The following FAM184B variants were observed in gnomAD, a reference collection of about 807,000 sequenced individuals.
The protein encoded by FAM184B is protein FAM184B.
Under a neutral mutation model 135.9 loss-of-function variants are expected in FAM184B, and 111 were observed. That is an observed-to-expected ratio of 0.82 (90% CI 0.70 to 0.96). The LOEUF is 0.96. FAM184B is among the 40% of genes least tolerant of loss of function. The pLI is 0.00. For missense variants in FAM184B, 1,375 were observed against 1,323.9 expected (o/e 1.04, Z -0.60); for synonymous variants, 552 against 524.8 (o/e 1.05, Z -0.71).
chr4:17,704,284 T>C (rs1717057843), intron 5 of FAM184B, among the ~76,000 whole-genome samples: 1 of 152,234 alleles, frequency 6.6e-6, no homozygotes, highest in South Asian at 2.1e-4. Flanking sequence ...GTTACTTACT[T>C]ATTCCAGCAA....
chr4:17,729,550 C>G (rs1248725340), intron 1 of FAM184B, among the ~76,000 whole-genome samples: 1 of 152,214 alleles, frequency 6.6e-6, no homozygotes, highest in Non-Finnish European at 1.5e-5. Flanking sequence ...TGAGACAAAA[C>G]TTCTAGAGGA....
At chr4:17,695,231 T>C (rs1716829290) in intron 5 of FAM184B, among the ~76,000 whole-genome samples, 1 of 151,858 alleles carries the variant, frequency 6.6e-6, no homozygotes, top group Non-Finnish European at 1.5e-5. Flanking sequence ...AGCACAATCA[T>C]GGCTCACTGC....
At chr4:17,692,561 C>T (rs1365773989) in intron 6 of FAM184B, among the ~76,000 whole-genome samples, 1 of 152,194 alleles carries the variant, frequency 6.6e-6, no homozygotes, top group Non-Finnish European at 1.5e-5. Context: ...TTTAGATTGA[C>T]CTCTTGGATA....
At chr4:17,687,159 G>T (rs1403405567) in intron 7 of FAM184B, among the ~76,000 whole-genome samples, 1 of 152,200 alleles carries the variant, frequency 6.6e-6, no homozygotes, top group African/African-American at 2.4e-5. Flanking sequence ...TGGGGGTCAT[G>T]GGAGAGAAAC....
Position 17,639,344 on chromosome 4 carries a change from G to C in FAM184B, c.2572C>G (p.Arg858Gly). Reference protein sequence around the residue: ...AQRAREVETLRQEHRKEMQAM... With the variant: ...AQRAREVETLGQEHRKEMQAM... ...TGCATCTCCTTCCGGTGTTCCTGGCGCAGTGTCTCCACCTCCCTGGCCCGC... is the reference window on the plus strand; with the variant it reads ...TGCATCTCCTTCCGGTGTTCCTGGCCCAGTGTCTCCACCTCCCTGGCCCGC... The change falls in exon 14 of 18, where the codon CGC becomes GGC. Residue 858 changes from arginine to glycine, a missense_variant. Physicochemically the swap from Arg to Gly is moderately radical, Grantham distance 125 (BLOSUM62 -2). Coordinates refer to ENST00000265018, the MANE Select transcript of FAM184B (RefSeq NM_015688.2). 6.4e-7 allele frequency: 1 copy of C among 1,551,742 alleles called. No individual in the cohort carries two copies. The highest frequency in any genetic ancestry group is 8.7e-7 in the Non-Finnish European group (1 of 1,147,014).
chr4:17,737,287 T>C (rs1717932487), intron 1 of FAM184B, among the ~76,000 whole-genome samples: 1 of 151,968 alleles, frequency 6.6e-6, no homozygotes, highest in South Asian at 2.1e-4. Context: ...GCTCAGAGAG[T>C]TTAAGAGATC....
intron 5 of FAM184B, among the ~76,000 whole-genome samples, chr4:17,696,619 C>T (rs1203757791): frequency 6.6e-6 from 1 of 152,098 alleles, no homozygotes; most frequent in Non-Finnish European, 1.5e-5. Context: ...TGAGACTAGC[C>T]TTGGCAACAC....
chr4:17,741,980 T>C (rs1229519145), intron 1 of FAM184B, among the ~76,000 whole-genome samples: 2 of 151,898 alleles, frequency 1.3e-5, no homozygotes, highest in African/African-American at 4.8e-5. Flanking sequence ...CAATAGAAGT[T>C]TCAGCCAACA....
chr4:17,636,322 C>T (rs1287904555), intron 15 of FAM184B, among the ~76,000 whole-genome samples: 2 of 152,130 alleles, frequency 1.3e-5, no homozygotes, highest in African/African-American at 4.8e-5. Context: ...AGGCTGGTCC[C>T]GAACTCCTGA....
Position 17,693,484 on chromosome 4 carries a change from TTATTCCC to T in FAM184B, c.1378-79_1378-73del, listed in dbSNP as rs764385988. 1,006 of 1,184,054 alleles carry T rather than the reference TTATTCCC, an allele frequency of 8.5e-4. 1 individual carries two copies. The highest frequency in any genetic ancestry group is 1.2e-3 in the Non-Finnish European group (969 of 819,772). 73.3% of individuals were successfully genotyped at this position (1,184,054 alleles called of 1,614,324 possible). ...ACACTTAATGTTTTCACACCCTGCC[TTATTCCC>T]AGAGATCAAAGAAGCTTATGAGTGT... is the stretch of plus-strand genomic sequence containing the variant. On this transcript the variant is annotated intron_variant, in intron 5 of 17. Transcript: ENST00000265018.
intron 1 of FAM184B, among the ~76,000 whole-genome samples, chr4:17,715,036 T>C (rs546410203): frequency 6.6e-6 from 1 of 152,366 alleles, no homozygotes; most frequent in East Asian, 1.9e-4. Flanking sequence ...TCAGGGATAG[T>C]GTGTACATAA....
At chr4:17,751,036 G>A (rs1464165454) in intron 1 of FAM184B, among the ~76,000 whole-genome samples, 5 of 151,772 alleles carry the variant, frequency 3.3e-5, no homozygotes, top group Non-Finnish European at 2.9e-5. Context: ...GGCCGGGTGC[G>A]GTGGTTCACA....
At chr4:17,727,491 G>C (rs1482600231) in intron 1 of FAM184B, among the ~76,000 whole-genome samples, 1 of 152,198 alleles carries the variant, frequency 6.6e-6, no homozygotes, top group Non-Finnish European at 1.5e-5. Context: ...AAACAAAAGA[G>C]GTTTAATTGA....
At chr4:17,635,554 T>C (rs1200396101) in intron 15 of FAM184B, among the ~76,000 whole-genome samples, 1 of 151,588 alleles carries the variant, frequency 6.6e-6, no homozygotes, top group South Asian at 2.1e-4. Context: ...TGGCCGATCT[T>C]GTTTGTGTGT....
intron 11 of FAM184B, among the ~76,000 whole-genome samples, chr4:17,651,378 A>C (rs984291810): frequency 3.3e-5 from 5 of 151,922 alleles, no homozygotes; most frequent in African/African-American, 1.2e-4. Flanking sequence ...TCTACTAAAA[A>C]TACAGAAAAA....
At chr4:17,716,146 G>A (rs1717397411) in intron 1 of FAM184B, among the ~76,000 whole-genome samples, 1 of 152,166 alleles carries the variant, frequency 6.6e-6, no homozygotes, top group Admixed American at 6.5e-5. Context: ...ATGCTTGCAA[G>A]CATCCAGTGT....
intron 7 of FAM184B, 127 bp downstream of exon 7, chr4:17,688,297 A>G: frequency 1.6e-6 from 1 of 642,462 alleles, no homozygotes; most frequent in South Asian, 2.0e-5. Flanking sequence ...TTTTCCGGGC[A>G]TTTTGGCAGT....
chr4:17,698,518 G>T (rs747475670), intron 5 of FAM184B, among the ~76,000 whole-genome samples: 5 of 152,086 alleles, frequency 3.3e-5, no homozygotes, highest in East Asian at 1.9e-4. Flanking sequence ...TTAATTATTT[G>T]GTATATATTT....
intron 1 of FAM184B, among the ~76,000 whole-genome samples, chr4:17,742,803 G>C (rs1288514822): frequency 1.3e-5 from 2 of 152,152 alleles, no homozygotes; most frequent in African/African-American, 2.4e-5. Context: ...CAGTTCATGT[G>C]ACCTGATTCT....
Sources: allele counts gnomAD v4.1 joint callset (sites outside exome capture counted in the v4.1 genomes callset), GRCh38; gene constraint gnomAD v4.1.1; transcripts MANE v1.5; gene names NCBI Gene and HGNC (gene_info 2026-07-23, HGNC 2026-07-21).